C12orf42: variants seen among roughly 807,000 people sequenced by gnomAD.
The protein encoded by C12orf42 is chromosome 12 open reading frame 42.
C12orf42 carries 25 observed loss-of-function variants against 21.6 expected under a neutral mutation model. The ratio of observed to expected loss-of-function variants is 1.16; its 90% CI spans 0.84 to 1.62. The LOEUF is 1.62. Among genes scored for constraint, C12orf42 ranks in the 40% most tolerant of loss-of-function variants. The pLI is 0.00. For missense variants in C12orf42, 483 were observed against 459.3 expected (o/e 1.05, Z -0.47); for synonymous variants, 174 against 175.0 (o/e 0.99, Z 0.05).
At chr12:103,436,371 A>G (rs1950712277) in intron 2 of C12orf42, among the ~76,000 whole-genome samples, 1 of 152,168 alleles carries the variant, frequency 6.6e-6, no homozygotes. Flanking sequence ...AGCTAACATC[A>G]TAATGACAGG....
the C12orf42 span, among the ~76,000 whole-genome samples, chr12:103,537,315 C>T: frequency 2.0e-5 from 3 of 148,894 alleles, no homozygotes; most frequent in Non-Finnish European, 3.0e-5. Context: ...AGATAGTTTG[C>T]GTTCTTAAGG....
chr12:103,190,774 G>A, the C12orf42 span, among the ~76,000 whole-genome samples: 5 of 152,182 alleles, frequency 3.3e-5, no homozygotes, highest in East Asian at 3.9e-4. Context: ...TGACACCATC[G>A]AGTAAACCAA....
chr12:103,086,365 G>A, the C12orf42 span, among the ~76,000 whole-genome samples: 1 of 150,762 alleles, frequency 6.6e-6, no homozygotes, highest in African/African-American at 2.4e-5. Context: ...TTTTGTTCTG[G>A]TTTAAGATGA....
the C12orf42 span, among the ~76,000 whole-genome samples, chr12:103,076,069 G>T: frequency 2.0e-5 from 3 of 151,984 alleles, no homozygotes; most frequent in South Asian, 4.1e-4. Flanking sequence ...TCACACACCG[G>T]GTCCTGTTGG....
intron 3 of C12orf42, among the ~76,000 whole-genome samples, chr12:103,391,487 C>T (rs1324633162): frequency 5.3e-5 from 8 of 152,012 alleles, no homozygotes; most frequent in African/African-American, 1.2e-4. Flanking sequence ...GATACCTCAT[C>T]GTGGTTTTGA....
At chr12:103,090,250 C>A in the C12orf42 span, among the ~76,000 whole-genome samples, 65 of 152,204 alleles carry the variant, frequency 4.3e-4, no homozygotes, top group Middle Eastern at 6.8e-3. Context: ...ATGGAGGAAA[C>A]GTTTCTGGCG....
rs2046594896 is a variant in C12orf42 at position 103,386,185 on chromosome 12, G to T, written c.147+15422C>A. Among the ~76,000 whole-genome samples the T allele has an allele frequency of 2.0e-5, 3 of 152,276 alleles. 1 individual carries two copies. In the South Asian group the frequency reaches 6.2e-4, roughly 32 times the overall value. ...ACATAAATTGGCAAAGCCAGGATTTGAACTCAGGCTGTCTGATCCTAGGGT... is the reference window on the plus strand; with the variant it reads ...ACATAAATTGGCAAAGCCAGGATTTTAACTCAGGCTGTCTGATCCTAGGGT... On this transcript the variant is annotated intron_variant, in intron 3 of 5. Transcript: ENST00000548883.
chr12:103,428,287 A>G lies in C12orf42; in HGVS notation c.79-26612T>C, dbSNP rs151050715. Among the ~76,000 whole-genome samples, 328 of 152,296 alleles carry G rather than the reference A, an allele frequency of 2.2e-3. 1 individual carries two copies. The highest frequency in any genetic ancestry group is 7.6e-3 in the African/African-American group (317 of 41,582). ...CACAGTAAAAGATGATAAAGGGGAT[A>G]TCACCACTGATTCCACAGAAATACA... On this transcript the variant is annotated intron_variant, in intron 2 of 5. Coordinates refer to ENST00000548883, the MANE Select transcript of C12orf42 (RefSeq NM_198521.5).
the C12orf42 span, among the ~76,000 whole-genome samples, chr12:103,100,904 C>T: frequency 3.9e-5 from 6 of 152,096 alleles, no homozygotes; most frequent in African/African-American, 1.4e-4. Context: ...ACTAGGAGTA[C>T]CTCCCAAGAT....
the C12orf42 span, among the ~76,000 whole-genome samples, chr12:103,526,012 T>C: frequency 2.6e-5 from 4 of 151,940 alleles, no homozygotes; most frequent in Non-Finnish European, 5.9e-5. Flanking sequence ...GGCAAAAGAG[T>C]GAAGTTCTGT....
chr12:103,490,323 T>G (rs915515022), intron 1 of C12orf42, among the ~76,000 whole-genome samples: 4 of 152,234 alleles, frequency 2.6e-5, no homozygotes, highest in African/African-American at 9.6e-5. Flanking sequence ...GTTTTAAAAA[T>G]ATTTTATCCA....
At chr12:103,303,450 A>G (rs970034746) in intron 5 of C12orf42, among the ~76,000 whole-genome samples, 7 of 152,216 alleles carry the variant, frequency 4.6e-5, no homozygotes, top group Non-Finnish European at 1.0e-4. Context: ...AAGATAATTT[A>G]TGTGCCTTAA....
chr12:103,110,159 T>A, the C12orf42 span, among the ~76,000 whole-genome samples: 3 of 152,340 alleles, frequency 2.0e-5, no homozygotes, highest in East Asian at 5.8e-4. Context: ...ATAACCCACA[T>A]GTCCATCAGC....
At chr12:103,085,929 G>A in the C12orf42 span, among the ~76,000 whole-genome samples, 1 of 152,090 alleles carries the variant, frequency 6.6e-6, no homozygotes, top group Non-Finnish European at 1.5e-5. Context: ...TAGCTGACTT[G>A]CCAATTTCGC....
At chr12:103,224,957 G>A in the C12orf42 span, among the ~76,000 whole-genome samples, 15 of 152,292 alleles carry the variant, frequency 9.8e-5, no homozygotes, top group African/African-American at 2.6e-4. Context: ...AAGCACGTAC[G>A]TTTTTATGAG....
intron 2 of C12orf42, among the ~76,000 whole-genome samples, chr12:103,441,233 G>C (rs1438123861): frequency 6.6e-6 from 1 of 152,132 alleles, no homozygotes; most frequent in Non-Finnish European, 1.5e-5. Context: ...CTACTGGACA[G>C]AGAAGGGGGA....
the C12orf42 span, among the ~76,000 whole-genome samples, chr12:103,527,387 G>A: frequency 3.9e-5 from 6 of 152,206 alleles, no homozygotes; most frequent in East Asian, 1.9e-4. Flanking sequence ...TAATGTTGGC[G>A]GTGGGGCCTA....
intron 2 of C12orf42, among the ~76,000 whole-genome samples, chr12:103,404,383 T>C (rs570744801): frequency 4.6e-5 from 7 of 152,204 alleles, no homozygotes; most frequent in Non-Finnish European, 1.0e-4. Context: ...ATAAAGTAGC[T>C]GGGATATTCA....
downstream of C12orf42, among the ~76,000 whole-genome samples, chr12:103,264,940 A>G (rs2136234452): frequency 6.6e-6 from 1 of 152,232 alleles, no homozygotes; most frequent in South Asian, 2.1e-4. Flanking sequence ...TTAGACTCCT[A>G]TAGCAAAGTG....
Sources: gnomAD v4.1 joint callset for allele counts (sites outside exome capture counted in the v4.1 genomes callset) on GRCh38, gnomAD v4.1.1 for gene constraint, MANE v1.5 for transcripts, NCBI Gene and HGNC (gene_info 2026-07-23, HGNC 2026-07-21) for gene names.